HECW2: variants seen among roughly 807,000 people sequenced by gnomAD.
HECW2 encodes the protein E3 ubiquitin-protein ligase HECW2.
A neutral mutation model predicts 175.2 loss-of-function variants in HECW2; 61 were observed. The ratio of observed to expected loss-of-function variants is 0.35; its 90% CI spans 0.28 to 0.43. The LOEUF (loss-of-function observed/expected upper bound fraction) is 0.43, where lower values mean the gene tolerates loss of function less well. HECW2 is among the 20% of genes least tolerant of loss of function. The pLI, the probability that HECW2 is intolerant of heterozygous loss-of-function variation, is 1.00. For synonymous variants in HECW2, 671 were observed against 731.0 expected, an observed-to-expected ratio of 0.92 and a Z score of 1.32; for missense variants, 1,524 against 2,000.5, an observed-to-expected ratio of 0.76 and a Z score of 4.54.
At chr2:196,235,428 T>C (rs1255004568) in intron 21 of HECW2, among the ~76,000 whole-genome samples, 1 of 152,026 alleles carries the variant, frequency 6.6e-6, no homozygotes, top group Non-Finnish European at 1.5e-5. Flanking sequence ...ATTGAATACA[T>C]ACATCTCTAG....
chr2:196,490,117 A>G (rs1052754856), intron 1 of HECW2, among the ~76,000 whole-genome samples: 4 of 152,134 alleles, frequency 2.6e-5, no homozygotes, highest in Admixed American at 1.3e-4. Context: ...ACCCCTCAAA[A>G]AACAACAGAG....
At chr2:196,572,463 A>G (rs546744926) in intron 1 of HECW2, among the ~76,000 whole-genome samples, 1 of 152,306 alleles carries the variant, frequency 6.6e-6, no homozygotes, top group Non-Finnish European at 1.5e-5. Flanking sequence ...GATTACAGGC[A>G]TGAGCCACCA....
At chr2:196,589,060 G>A (rs1691088684) in intron 1 of HECW2, among the ~76,000 whole-genome samples, 1 of 152,106 alleles carries the variant, frequency 6.6e-6, no homozygotes, top group Non-Finnish European at 1.5e-5. Flanking sequence ...TTTGCTGATG[G>A]TAGTGGTGCG....
intron 3 of HECW2, among the ~76,000 whole-genome samples, chr2:196,337,122 T>A (rs1015677755): frequency 2.0e-5 from 3 of 152,204 alleles, no homozygotes; most frequent in Non-Finnish European, 4.4e-5. Context: ...CAAGATTTTT[T>A]AAAATGGTGT....
At chr2:196,571,825 T>G (rs1341940350) in intron 1 of HECW2, among the ~76,000 whole-genome samples, 1 of 152,188 alleles carries the variant, frequency 6.6e-6, no homozygotes, top group African/African-American at 2.4e-5. Flanking sequence ...AAGAGATGTT[T>G]GTACACCTAT....
intron 13 of HECW2, among the ~76,000 whole-genome samples, 169 bp downstream of exon 13, chr2:196,306,319 T>C (rs1236632422): frequency 6.6e-6 from 1 of 152,124 alleles, no homozygotes; most frequent in Non-Finnish European, 1.5e-5. Context: ...ACTCAAACGG[T>C]TTCTTTGGAC....
chr2:196,573,333 C>T (rs968926481), intron 1 of HECW2, among the ~76,000 whole-genome samples: 3 of 151,374 alleles, frequency 2.0e-5, no homozygotes, highest in African/African-American at 7.3e-5. Context: ...GGATGATTTA[C>T]TCAAGAAAAA....
At chr2:196,453,828 TA>T (rs1306470514) in intron 1 of HECW2, among the ~76,000 whole-genome samples, 1 of 152,108 alleles carries the variant, frequency 6.6e-6, no homozygotes, top group Admixed American at 6.6e-5. Flanking sequence ...AGAATCAATA[TA>T]ACCTTGAAAG....
chr2:196,324,900 G>T, intron 6 of HECW2, 80 bp downstream of exon 6: 1 of 1,189,764 alleles, frequency 8.4e-7, no homozygotes, highest in Non-Finnish European at 1.2e-6. Context: ...CAACCTGAGG[G>T]ATGCAAAAGT....
chr2:196,203,358 C>A (rs77671862), intron 28 of HECW2, among the ~76,000 whole-genome samples: 2,265 of 152,246 alleles, frequency 0.015, 77 homozygotes, highest in East Asian at 0.14. Context: ...TTGTATACTA[C>A]ACTAGAGTCC....
chr2:196,290,396 T>C (rs1166295688), intron 14 of HECW2: 1 of 152,130 alleles, frequency 6.6e-6, no homozygotes, highest in Non-Finnish European at 1.5e-5. Context: ...GGTTCAGGGG[T>C]TAGTAAAAGA....
At chr2:196,469,793 T>A (rs773876406) in intron 1 of HECW2, among the ~76,000 whole-genome samples, 3 of 151,704 alleles carry the variant, frequency 2.0e-5, no homozygotes, top group Non-Finnish European at 4.4e-5. Context: ...AAGAAGTATA[T>A]ATAGTATGAA....
chr2:196,487,406 C>A (rs1169638215), intron 1 of HECW2, among the ~76,000 whole-genome samples: 1 of 152,212 alleles, frequency 6.6e-6, no homozygotes, highest in East Asian at 1.9e-4. Flanking sequence ...GCTCCATCCC[C>A]AATCTCTGGA....
intron 19 of HECW2, among the ~76,000 whole-genome samples, chr2:196,250,192 G>A (rs879870222): frequency 6.6e-6 from 1 of 152,214 alleles, no homozygotes; most frequent in Non-Finnish European, 1.5e-5. Flanking sequence ...ATGGCTTCAT[G>A]TCTTTAACCA....
chr2:196,227,102 C>T (rs930735268), intron 22 of HECW2, among the ~76,000 whole-genome samples: 1 of 152,128 alleles, frequency 6.6e-6, no homozygotes, highest in Non-Finnish European at 1.5e-5. Context: ...AGTATGGTTC[C>T]TCTTTATTTC....
chr2:196,589,250 C>G (rs1691096753), intron 1 of HECW2, among the ~76,000 whole-genome samples: 1 of 152,038 alleles, frequency 6.6e-6, no homozygotes, highest in African/African-American at 2.4e-5. Flanking sequence ...GCTGACCAAG[C>G]TTTTGAGGAC....
At chr2:196,497,096 A>AT (rs1687419362) in intron 1 of HECW2, among the ~76,000 whole-genome samples, 1 of 152,220 alleles carries the variant, frequency 6.6e-6, no homozygotes, top group African/African-American at 2.4e-5. Context: ...AGAAAGGTGA[A>AT]TACAACATTA....
Position 196,228,261 on chromosome 2 carries a change from C to G in HECW2, c.3765-7G>C. 1 of 1,582,330 alleles carries G rather than the reference C, an allele frequency of 6.3e-7. No individual in the cohort carries two copies. Among genetic ancestry groups the G allele is most frequent in the Middle Eastern group, 2.1e-4 (1 of 4,750 alleles). On this transcript the variant is annotated splice_polypyrimidine_tract_variant and splice_region_variant and intron_variant, in intron 21 of 28. Coordinates refer to ENST00000644978, the MANE Select transcript of HECW2 (RefSeq NM_001348768.2). The stretch of plus-strand genomic sequence containing the variant: ...AGGCCCACTGTAATCCAGCCTGTAA[C>G]AAAAATCCACAAAAAGAATAATCTG...
At chr2:196,566,699 ATTTTTTTTTTT>A (rs58391487) in intron 1 of HECW2, among the ~76,000 whole-genome samples, 1 of 94,206 alleles carries the variant, frequency 1.1e-5, no homozygotes, top group African/African-American at 4.2e-5. Context: ...CACCCAGCTA[ATTTTTTTTTTT>A]TTTTTTTTTT....
Sources: allele counts gnomAD v4.1 joint callset (sites outside exome capture counted in the v4.1 genomes callset), GRCh38; gene constraint gnomAD v4.1.1; transcripts MANE v1.5; gene names NCBI Gene and HGNC (gene_info 2026-07-23, HGNC 2026-07-21).